SPHKAP: variants seen among roughly 807,000 people sequenced by gnomAD.
The protein encoded by SPHKAP is SPHK1 interactor, AKAP domain containing, also known as A-kinase anchor protein SPHKAP.
Under a neutral mutation model 137.5 loss-of-function variants are expected in SPHKAP, and 67 were observed. The observed-to-expected ratio is 0.49, with a 90% CI of 0.40 to 0.60. SPHKAP has a LOEUF of 0.60. Ranked by LOEUF, SPHKAP falls within the 20% of genes least tolerant of loss-of-function variation. The probability of loss-of-function intolerance (pLI) is 0.00; values close to 1 mark genes in which losing one functional copy is unlikely to be tolerated. For missense variants in SPHKAP, 2,097 were observed against 2,069.3 expected (o/e 1.01, Z -0.26); for synonymous variants, 813 against 785.3 (o/e 1.04, Z -0.59).
chr2:228,021,682 TC>T, intron 6 of SPHKAP, 28 bp downstream of exon 6: 1 of 1,570,068 alleles, frequency 6.4e-7, no homozygotes, highest in African/African-American at 1.5e-5. Context: ...GGGACTAATT[TC>T]AGGAGGCACT....
chr2:228,100,746 A>G (rs1385902343), intron 3 of SPHKAP, among the ~76,000 whole-genome samples: 2 of 152,010 alleles, frequency 1.3e-5, no homozygotes, highest in African/African-American at 4.8e-5. Context: ...CAGTTTGCTA[A>G]TATTTTATTG....
At chr2:228,022,622 CA>C (rs1198021694) in intron 5 of SPHKAP, among the ~76,000 whole-genome samples, 1 of 152,058 alleles carries the variant, frequency 6.6e-6, no homozygotes. Flanking sequence ...GAGGCTTTTA[CA>C]AAAGGATTTA....
At chr2:228,031,421 G>C (rs1188476049) in intron 3 of SPHKAP, among the ~76,000 whole-genome samples, 1 of 152,240 alleles carries the variant, frequency 6.6e-6, no homozygotes, top group East Asian at 1.9e-4. Flanking sequence ...GCCTGCCTCT[G>C]TAGGCTCCAC....
intron 3 of SPHKAP, among the ~76,000 whole-genome samples, chr2:228,029,793 T>G (rs1337311714): frequency 6.6e-6 from 1 of 152,142 alleles, no homozygotes; most frequent in African/African-American, 2.4e-5. Flanking sequence ...TTTAATAACA[T>G]GCAGCTGGCA....
chr2:228,168,075 ATATT>A (rs1486197662), intron 1 of SPHKAP, among the ~76,000 whole-genome samples: 1 of 152,146 alleles, frequency 6.6e-6, no homozygotes, highest in African/African-American at 2.4e-5. Context: ...ATCTTATTAT[ATATT>A]TATTTTAAAA....
At chr2:228,030,695 T>A (rs991111957) in intron 3 of SPHKAP, among the ~76,000 whole-genome samples, 2 of 151,460 alleles carry the variant, frequency 1.3e-5, no homozygotes, top group Non-Finnish European at 2.9e-5. Context: ...GAATATGATA[T>A]CTAATTGACT....
chr2:228,071,961 T>C (rs1697018830), intron 3 of SPHKAP, among the ~76,000 whole-genome samples: 1 of 152,246 alleles, frequency 6.6e-6, no homozygotes, highest in Admixed American at 6.5e-5. Flanking sequence ...TATCTGTGTC[T>C]GTGAGTATTT....
At chr2:228,118,234 T>C (rs1469486729) in intron 2 of SPHKAP, among the ~76,000 whole-genome samples, 1 of 132,098 alleles carries the variant, frequency 7.6e-6, no homozygotes, top group Non-Finnish European at 1.6e-5. Flanking sequence ...TCTGTGGAGA[T>C]ACACAGTTTT....
In SPHKAP at chr2:227,994,413, A is replaced by G. The variant is rs949255044; in HGVS notation, c.4635-793T>C. On this transcript the variant is annotated intron_variant, in intron 8 of 11. Coordinates refer to ENST00000392056, the MANE Select transcript of SPHKAP (RefSeq NM_001142644.2). ...GTGCTTGTGAAATGAAATATATCCA[A>G]TTTTACCAAACCACTCAGTCTCCTC... Among the ~76,000 whole-genome samples, 4 of 152,130 alleles carry G rather than the reference A, an allele frequency of 2.6e-5. No individual in the cohort carries two copies. In the South Asian group the frequency reaches 6.2e-4, roughly 24 times the overall value.
chr2:228,124,247 G>A (rs568110130), intron 2 of SPHKAP, among the ~76,000 whole-genome samples: 37 of 152,236 alleles, frequency 2.4e-4, no homozygotes, highest in Non-Finnish European at 4.1e-4. Flanking sequence ...TATACCCAAA[G>A]GATTATAAAT....
At chr2:228,054,912 G>A (rs757623246) in intron 3 of SPHKAP, among the ~76,000 whole-genome samples, 1 of 152,022 alleles carries the variant, frequency 6.6e-6, no homozygotes, top group Non-Finnish European at 1.5e-5. Flanking sequence ...AGGCTGGGCA[G>A]GAAGATGGCC....
At chr2:228,158,157 C>T (rs1001419149) in intron 1 of SPHKAP, among the ~76,000 whole-genome samples, 1 of 152,132 alleles carries the variant, frequency 6.6e-6, no homozygotes. Context: ...CAGTGAAATT[C>T]ATCAGCATTC....
Position 228,017,425 on chromosome 2 carries a change from T to C in SPHKAP, c.3429A>G (p.Gly1143=), listed in dbSNP as rs1277859245. ...CATAGTAATCCAGCAGTAACTCAAA[T>C]CCTCTCCCTTCATTTTCCATCTGGT... ...MVNQMENEGR[G]FELLLDYYAG... is the part of the protein sequence containing the mutation. Residue 1143 remains glycine, a synonymous_variant, in exon 7 of 12, where the codon GGA becomes GGG. Coordinates refer to ENST00000392056, the MANE Select transcript of SPHKAP (RefSeq NM_001142644.2). The C allele has an allele frequency of 1.2e-6, 2 of 1,613,862 alleles. No homozygotes were observed. Among genetic ancestry groups the C allele is most frequent in the Non-Finnish European group, 1.7e-6 (2 of 1,180,014 alleles).
intron 3 of SPHKAP, among the ~76,000 whole-genome samples, chr2:228,055,621 T>C (rs2106279231): frequency 6.6e-6 from 1 of 152,294 alleles, no homozygotes; most frequent in East Asian, 1.9e-4. Context: ...GATTCTCAAG[T>C]GAGAGTTCCA....
intron 3 of SPHKAP, among the ~76,000 whole-genome samples, chr2:228,061,470 T>C (rs1696629939): frequency 6.6e-6 from 1 of 151,902 alleles, no homozygotes; most frequent in African/African-American, 2.4e-5. Flanking sequence ...CGGGATTTCA[T>C]CATGTTGACT....
chr2:228,094,492 A>T (rs1243585550), intron 3 of SPHKAP, among the ~76,000 whole-genome samples: 1 of 152,224 alleles, frequency 6.6e-6, no homozygotes, highest in African/African-American at 2.4e-5. Flanking sequence ...CATATGGTGC[A>T]AATACATTCA....
chr2:228,042,580 A>C (rs891519726), intron 3 of SPHKAP, among the ~76,000 whole-genome samples: 1 of 152,118 alleles, frequency 6.6e-6, no homozygotes, highest in African/African-American at 2.4e-5. Flanking sequence ...TTGTTCTGGA[A>C]ATTTAATATA....
At chr2:228,005,922 T>C (rs1197255092) in intron 7 of SPHKAP, among the ~76,000 whole-genome samples, 1 of 152,284 alleles carries the variant, frequency 6.6e-6, no homozygotes, top group Non-Finnish European at 1.5e-5. Flanking sequence ...GTTAGTCTGA[T>C]GGGCTTCCTT....
At chr2:228,160,307 A>G (rs534777050) in intron 1 of SPHKAP, among the ~76,000 whole-genome samples, 2 of 152,326 alleles carry the variant, frequency 1.3e-5, no homozygotes, top group African/African-American at 4.8e-5. Context: ...ACTTTTATAT[A>G]CCAATTGTAT....
Sources: allele counts gnomAD v4.1 joint callset (sites outside exome capture counted in the v4.1 genomes callset), GRCh38; gene constraint gnomAD v4.1.1; transcripts MANE v1.5; gene names NCBI Gene and HGNC (gene_info 2026-07-23, HGNC 2026-07-21).